The following NAV3 variants were observed in gnomAD, a reference collection of about 807,000 sequenced individuals.
NAV3 encodes the protein pore membrane and/or filament interacting like protein 1.
NAV3 carries 87 observed loss-of-function variants against 244.7 expected under a neutral mutation model. The observed-to-expected ratio is 0.36, with a 90% CI of 0.30 to 0.42. The LOEUF (loss-of-function observed/expected upper bound fraction) is 0.42, where lower values mean the gene tolerates loss of function less well. Ranked by LOEUF, NAV3 falls within the 20% of genes least tolerant of loss-of-function variation. The probability of loss-of-function intolerance (pLI) is 1.00; values close to 1 mark genes in which losing one functional copy is unlikely to be tolerated. For missense variants in NAV3, 2,663 were observed against 2,893.3 expected, an observed-to-expected ratio of 0.92 and a Z score of 1.83; for synonymous variants, 1,126 against 1,042.2, an observed-to-expected ratio of 1.08 and a Z score of -1.55.
chr12:77,693,135 C>G (rs1875115441), intron 2 of NAV3, among the ~76,000 whole-genome samples: 1 of 152,082 alleles, frequency 6.6e-6, no homozygotes, highest in African/African-American at 2.4e-5. Flanking sequence ...CATGCAGAAT[C>G]CTGACTTCTG....
chr12:77,915,807 AT>A (rs1887085955), intron 1 of NAV3, among the ~76,000 whole-genome samples: 1 of 151,974 alleles, frequency 6.6e-6, no homozygotes, highest in Non-Finnish European at 1.5e-5. Flanking sequence ...CCATTCATTC[AT>A]TTAGTCCCAT....
intron 2 of NAV3, among the ~76,000 whole-genome samples, chr12:77,767,616 A>G (rs907835625): frequency 2.0e-5 from 3 of 152,222 alleles, no homozygotes; most frequent in Non-Finnish European, 4.4e-5. Flanking sequence ...GCCAGCACAG[A>G]CACCGGCTCC....
chr12:77,863,908 A>C (rs2136363270), intron 1 of NAV3, among the ~76,000 whole-genome samples: 1 of 152,032 alleles, frequency 6.6e-6, no homozygotes, highest in East Asian at 1.9e-4. Flanking sequence ...CAGAAAATGA[A>C]AGTTATTTGA....
At chr12:77,916,399 T>C (rs1887150899) in intron 1 of NAV3, among the ~76,000 whole-genome samples, 1 of 151,904 alleles carries the variant, frequency 6.6e-6, no homozygotes, top group South Asian at 2.1e-4. Flanking sequence ...TCCATACCCT[T>C]CAACTAAAAG....
chr12:78,116,766 C>T lies in NAV3; in HGVS notation c.2637-6C>T, dbSNP rs1330772238. On this transcript the variant is annotated splice_region_variant and splice_polypyrimidine_tract_variant and intron_variant, in intron 12 of 39. Coordinates refer to ENST00000397909, the MANE Select transcript of NAV3 (RefSeq NM_001024383.2). The stretch of plus-strand genomic sequence containing the variant: ...GATTCACTGCTCTTGCATGTCTTGC[C>T]TTTAGCTGGGATGACAGCAGTTCAG... 1.9e-6 allele frequency: 3 copies of T among 1,581,568 alleles called. No homozygotes were observed. The highest frequency in any genetic ancestry group is 1.2e-5 in the South Asian group (1 of 86,218).
At chr12:77,693,008 G>A (rs1300871331) in intron 2 of NAV3, among the ~76,000 whole-genome samples, 1 of 152,086 alleles carries the variant, frequency 6.6e-6, no homozygotes, top group Admixed American at 6.6e-5. Context: ...GGTGGATAAA[G>A]ACGGGAACAT....
chr12:78,161,404 A>G (rs943142952), intron 23 of NAV3, among the ~76,000 whole-genome samples: 2 of 152,104 alleles, frequency 1.3e-5, no homozygotes, highest in East Asian at 3.9e-4. Context: ...AATATCTTTA[A>G]TAAGTCAAAA....
In NAV3 at chr12:78,210,721, A is replaced by T; in HGVS notation, c.*204A>T. 1 of 592,084 alleles carries T rather than the reference A, an allele frequency of 1.7e-6. No homozygotes were observed. The highest frequency in any genetic ancestry group is 2.9e-6 in the Non-Finnish European group (1 of 340,146). 36.7% of individuals were successfully genotyped at this position (592,084 alleles called of 1,614,324 possible). ...GAAGCTTAACTTTAGTTTATTTCTA[A>T]GCATTTTTTATATCTGTGGAGTAAT... On this transcript the variant is annotated 3_prime_UTR_variant, in exon 40 of 40. Transcript: ENST00000397909.
At chr12:77,779,938 A>G (rs1870580105) in intron 2 of NAV3, among the ~76,000 whole-genome samples, 3 of 152,216 alleles carry the variant, frequency 2.0e-5, no homozygotes, top group Non-Finnish European at 1.5e-5. Context: ...GGCACAGTGC[A>G]TGTTATTGGT....
At chr12:77,674,675 C>T (rs1874130336) in intron 2 of NAV3, among the ~76,000 whole-genome samples, 1 of 152,216 alleles carries the variant, frequency 6.6e-6, no homozygotes, top group African/African-American at 2.4e-5. Context: ...AGACATTAGC[C>T]ACCATGCCCA....
intron 2 of NAV3, among the ~76,000 whole-genome samples, chr12:77,821,596 C>A (rs938422887): frequency 6.6e-6 from 1 of 152,054 alleles, no homozygotes; most frequent in African/African-American, 2.4e-5. Flanking sequence ...TTTTATGATA[C>A]CTTTTGAATG....
At chr12:78,129,566 G>C (rs1198966648) in intron 18 of NAV3, among the ~76,000 whole-genome samples, 1 of 152,040 alleles carries the variant, frequency 6.6e-6, no homozygotes, top group Non-Finnish European at 1.5e-5. Context: ...AAAGCACTCT[G>C]AGTAACAAAA....
In NAV3 at chr12:78,029,179, C is replaced by CAAA. The variant is rs149050506; in HGVS notation, c.2023+7332_2023+7334dup. ...CAATGGTGTCTGACCCTACCTATTC[C>CAAA]AAAAAAAAAAAAAAAAATACTTTCA... On this transcript the variant is annotated intron_variant, in intron 9 of 39. Transcript: ENST00000397909. Among the ~76,000 whole-genome samples, 456 of 128,802 alleles carry CAAA rather than the reference C, an allele frequency of 3.5e-3. 1 individual carries two copies. Among genetic ancestry groups the CAAA allele is most frequent in the Non-Finnish European group, 5.3e-3 (313 of 59,574 alleles). The allele number at this position is 128,802 out of a possible 152,430, so 84.5% of individuals were successfully genotyped here.
chr12:77,658,405 C>T (rs911246231), intron 2 of NAV3, among the ~76,000 whole-genome samples: 46 of 149,138 alleles, frequency 3.1e-4, no homozygotes, highest in Middle Eastern at 3.4e-3. Context: ...TTACAAGGGA[C>T]GTGAAGGACC....
chr12:77,988,385 A>G (rs1371970589), intron 5 of NAV3, among the ~76,000 whole-genome samples: 3 of 152,194 alleles, frequency 2.0e-5, no homozygotes, highest in South Asian at 2.1e-4. Context: ...ATAACTCCAC[A>G]TGAGGATTTA....
chr12:77,952,992 T>C (rs968390091), intron 3 of NAV3, among the ~76,000 whole-genome samples: 1 of 152,160 alleles, frequency 6.6e-6, no homozygotes, highest in Non-Finnish European at 1.5e-5. Context: ...TTTTGTTTTC[T>C]GGAACAAACT....
chr12:77,933,414 A>G (rs528994773), intron 1 of NAV3, among the ~76,000 whole-genome samples: 1 of 152,358 alleles, frequency 6.6e-6, no homozygotes, highest in South Asian at 2.1e-4. Context: ...ACAGAAAAAA[A>G]GTAAAAGGAA....
At chr12:77,977,177 C>T (rs1266066237) in intron 5 of NAV3, among the ~76,000 whole-genome samples, 1 of 151,980 alleles carries the variant, frequency 6.6e-6, no homozygotes, top group East Asian at 1.9e-4. Context: ...AACTGACTTA[C>T]CGCTTTTGCA....
chr12:78,107,125 G>A (rs1311113855), intron 12 of NAV3, among the ~76,000 whole-genome samples: 1 of 152,174 alleles, frequency 6.6e-6, no homozygotes, highest in Non-Finnish European at 1.5e-5. Context: ...TGCAGATAAA[G>A]CTTCAACAAT....
Sources: gnomAD v4.1 joint callset for allele counts (sites outside exome capture counted in the v4.1 genomes callset) on GRCh38, gnomAD v4.1.1 for gene constraint, MANE v1.5 for transcripts, NCBI Gene and HGNC (gene_info 2026-07-23, HGNC 2026-07-21) for gene names.